The following DAB1 variants were observed in gnomAD, a reference collection of about 807,000 sequenced individuals.
DAB1 encodes DAB adaptor protein 1, also known as disabled homolog 1.
Under a neutral mutation model 64.6 loss-of-function variants are expected in DAB1, and 15 were observed. The ratio of observed to expected loss-of-function variants is 0.23; its 90% confidence interval spans 0.16 to 0.36. DAB1 has a LOEUF of 0.36. Ranked by LOEUF, DAB1 falls within the 10% of genes least tolerant of loss-of-function variation. DAB1 has a pLI of 1.00. For synonymous variants in DAB1, 235 were observed against 251.9 expected, an observed-to-expected ratio of 0.93 and a Z score of 0.64; for missense variants, 596 against 706.7, an observed-to-expected ratio of 0.84 and a Z score of 1.78.
At chr1:58,138,324 T>G (rs1228465368) in intron 5 of DAB1, among the ~76,000 whole-genome samples, 1 of 152,156 alleles carries the variant, frequency 6.6e-6, no homozygotes, top group Non-Finnish European at 1.5e-5. Flanking sequence ...AACACTAGAA[T>G]AAGCTGACTC....
intron 6 of DAB1, among the ~76,000 whole-genome samples, chr1:57,764,983 C>A (rs938899603): frequency 3.9e-5 from 6 of 152,054 alleles, no homozygotes; most frequent in Non-Finnish European, 5.9e-5. Context: ...CTGAGGTATC[C>A]AGGAATGTAA....
At chr1:57,145,146 G>T in intron 3 of DAB1, 144 bp downstream of exon 3, 1 of 800,092 alleles carries the variant, frequency 1.2e-6, no homozygotes, top group Non-Finnish European at 1.9e-6. Flanking sequence ...AATATCTTCC[G>T]AATGAAAAAA....
chr1:57,328,958 T>C (rs1676415068), intron 1 of DAB1, among the ~76,000 whole-genome samples: 1 of 152,232 alleles, frequency 6.6e-6, no homozygotes, highest in African/African-American at 2.4e-5. Flanking sequence ...AGTGCTAACA[T>C]GGTGACATGA....
intron 3 of DAB1, among the ~76,000 whole-genome samples, chr1:58,390,347 G>C (rs948838854): frequency 9.2e-5 from 14 of 152,076 alleles, no homozygotes; most frequent in African/African-American, 3.4e-4. Flanking sequence ...TCTTCTTAGG[G>C]CCCTGCATTG....
At chr1:57,040,896 CTT>C (rs1647685743) in intron 9 of DAB1, among the ~76,000 whole-genome samples, 1 of 152,192 alleles carries the variant, frequency 6.6e-6, no homozygotes, top group Non-Finnish European at 1.5e-5. Context: ...ATTCAAAACA[CTT>C]TTGGGGAGGA....
chr1:57,817,317 G>A (rs781501849), intron 6 of DAB1, among the ~76,000 whole-genome samples: 1 of 152,190 alleles, frequency 6.6e-6, no homozygotes, highest in Non-Finnish European at 1.5e-5. Context: ...TGGACCAACT[G>A]CATAAAAGGA....
chr1:58,195,086 A>C (rs568377973), intron 4 of DAB1, among the ~76,000 whole-genome samples: 1 of 152,268 alleles, frequency 6.6e-6, no homozygotes, highest in East Asian at 1.9e-4. Context: ...AGATAAGAAA[A>C]GGGCAAAAAT....
chr1:58,429,406 T>C (rs921914768), intron 3 of DAB1, among the ~76,000 whole-genome samples: 6 of 152,014 alleles, frequency 3.9e-5, no homozygotes, highest in Non-Finnish European at 7.4e-5. Flanking sequence ...AGTCCAGGAA[T>C]TGAGGAGAAA....
intron 1 of DAB1, among the ~76,000 whole-genome samples, chr1:57,296,652 G>A (rs887644652): frequency 6.6e-6 from 1 of 152,124 alleles, no homozygotes; most frequent in Non-Finnish European, 1.5e-5. Context: ...TATAATTAAG[G>A]ATGGTAATAA....
chr1:58,050,521 TTTTATTTA>T (rs578258985), intron 5 of DAB1, among the ~76,000 whole-genome samples: 3 of 152,040 alleles, frequency 2.0e-5, no homozygotes, highest in Non-Finnish European at 2.9e-5. Context: ...CATTGCTTTA[TTTTATTTA>T]TTTATTTATT....
At chr1:57,750,588 ATAG>A (rs1314901367) in intron 6 of DAB1, among the ~76,000 whole-genome samples, 1 of 152,200 alleles carries the variant, frequency 6.6e-6, no homozygotes, top group Non-Finnish European at 1.5e-5. Flanking sequence ...TATTTAATAA[ATAG>A]TAGTTGAAAT....
chr1:57,371,360 A>G (rs576429161), intron 1 of DAB1, among the ~76,000 whole-genome samples: 56 of 152,294 alleles, frequency 3.7e-4, no homozygotes, highest in Admixed American at 6.5e-4. Flanking sequence ...ATTTCAATGT[A>G]CTTTTTATGT....
At chr1:58,223,894 A>G (rs570686222) in intron 4 of DAB1, among the ~76,000 whole-genome samples, 1 of 152,230 alleles carries the variant, frequency 6.6e-6, no homozygotes, top group Non-Finnish European at 1.5e-5. Context: ...GGATGTGTGA[A>G]AAAGAAGCCA....
intron 7 of DAB1, among the ~76,000 whole-genome samples, chr1:57,647,381 A>G (rs1269842993): frequency 1.3e-5 from 2 of 152,206 alleles, no homozygotes; most frequent in Admixed American, 6.5e-5. Flanking sequence ...GAGAGGTGGT[A>G]ACTCCTTGGG....
At chr1:58,002,667 GTA>G (rs138608788) in intron 5 of DAB1, among the ~76,000 whole-genome samples, 3 of 148,536 alleles carry the variant, frequency 2.0e-5, no homozygotes, top group Non-Finnish European at 1.5e-5. Flanking sequence ...AACACAAGGT[GTA>G]TATATATATA....
chr1:57,703,436 G>A lies in DAB1; in HGVS notation n.552-53771C>T, dbSNP rs145024738. Among the ~76,000 whole-genome samples, 23 of 152,272 alleles carry A rather than the reference G, an allele frequency of 1.5e-4. No homozygotes were observed. In the East Asian group the frequency reaches 4.4e-3, roughly 29 times the overall value. On this transcript the variant is annotated intron_variant and non_coding_transcript_variant, in intron 6 of 20. Coordinates refer to the DAB1 transcript ENST00000485760. ...GCATCCAACAATCATGTGGAAAGAAGCTCAGAATCACAGATCATTAGAGAA... is the reference window on the plus strand; with the variant it reads ...GCATCCAACAATCATGTGGAAAGAAACTCAGAATCACAGATCATTAGAGAA...
chr1:57,306,169 C>T (rs1306292153), intron 1 of DAB1, among the ~76,000 whole-genome samples: 1 of 151,992 alleles, frequency 6.6e-6, no homozygotes, highest in African/African-American at 2.4e-5. Context: ...GTCCCGGGTC[C>T]CACTCCTATG....
chr1:57,065,502 T>C (rs1169522553), intron 8 of DAB1, among the ~76,000 whole-genome samples: 1 of 152,134 alleles, frequency 6.6e-6, no homozygotes, highest in Non-Finnish European at 1.5e-5. Flanking sequence ...TGTTCCAGGG[T>C]CTATAAGCTT....
chr1:57,259,021 T>C (rs546212175), intron 2 of DAB1, among the ~76,000 whole-genome samples: 1 of 152,274 alleles, frequency 6.6e-6, no homozygotes, highest in East Asian at 1.9e-4. Context: ...TTTGTGAGGA[T>C]TAATGAGATG....
Sources: allele counts gnomAD v4.1 joint callset (sites outside exome capture counted in the v4.1 genomes callset), GRCh38; gene constraint gnomAD v4.1.1; transcripts MANE v1.5; gene names NCBI Gene and HGNC (gene_info 2026-07-23, HGNC 2026-07-21).